Variants in GSN observed in about 807,000 individuals in gnomAD.
GSN encodes the protein actin-depolymerizing factor.
In GSN, 56 loss-of-function variants were observed where a neutral mutation model predicts 85.7. The observed-to-expected ratio is 0.65, with a 90% confidence interval of 0.53 to 0.82. GSN has a LOEUF of 0.82. GSN is among the 40% of genes least tolerant of loss of function. The pLI is 0.00. For synonymous variants in GSN, 373 were observed against 399.1 expected (o/e 0.93, Z 0.78); for missense variants, 857 against 979.8 (o/e 0.87, Z 1.67).
At chr9:121,297,200 A>G (rs896926214) in intron 2 of GSN, among the ~76,000 whole-genome samples, 3 of 152,252 alleles carry the variant, frequency 2.0e-5, no homozygotes, top group Admixed American at 6.5e-5. Flanking sequence ...TGTGTTTTAT[A>G]AAAGAACAAA....
chr9:121,305,095 A>G (rs1013014031), intron 4 of GSN, among the ~76,000 whole-genome samples: 4 of 152,240 alleles, frequency 2.6e-5, no homozygotes, highest in Non-Finnish European at 5.9e-5. Context: ...GAGTTCTCAT[A>G]TACACAGAAA....
rs747385746 is a variant in GSN at position 121,332,453 on chromosome 9, G to C, written c.2046G>C (p.Thr682=). The C allele has an allele frequency of 6.2e-7, 1 of 1,614,144 alleles. No individual in the cohort carries two copies. The highest frequency in any genetic ancestry group is 8.5e-7 in the Non-Finnish European group (1 of 1,179,996). Residue 682 remains threonine, a synonymous_variant, in exon 18 of 18, where the codon ACG becomes ACC. Transcript: ENST00000432226. This position sits in a 1 kb window ranked among gnomAD's most constrained non-coding sequence, Gnocchi z 4.8. ...CTGCAGCTAAGCGGTACATCGAGAC[G>C]GACCCAGCCAATCGGGATCGGCGGA... ...ALTSAKRYIE[T]DPANRDRRTP...
intron 5 of GSN, chr9:121,311,257 A>T: frequency 3.6e-6 from 1 of 280,866 alleles, no homozygotes; most frequent in Non-Finnish European, 6.9e-6. Flanking sequence ...ATGTAGTTGC[A>T]CATGCCCATG....
At chr9:121,287,549 A>T (rs886429069) in intron 2 of GSN, among the ~76,000 whole-genome samples, 1 of 152,044 alleles carries the variant, frequency 6.6e-6, no homozygotes, top group African/African-American at 2.4e-5. Context: ...GGTGTTAGGG[A>T]ACTGCTCGGC....
rs769238518 is a variant in GSN at position 121,318,738 on chromosome 9, A to G, written c.1049A>G (p.Gln350Arg). 41 of 1,614,034 alleles carry G rather than the reference A, an allele frequency of 2.5e-5. No homozygotes were observed. The highest frequency in any genetic ancestry group is 1.6e-4 in the Middle Eastern group (1 of 6,062). Residue 350 changes from glutamine to arginine, a missense_variant, in exon 10 of 18, where the codon CAG (glutamine) becomes CGG (arginine). Transcript: ENST00000432226. The surrounding 1 kb of genome is among the most constrained non-coding windows in gnomAD (Gnocchi z 4.3). Reference protein sequence around the residue: ...QFFKNWRDPDQTDGLGLSYLS... With the variant: ...QFFKNWRDPDRTDGLGLSYLS... ...TTCAAGAACTGGCGGGACCCAGACC[A>G]GACAGATGGCCTGGGCTTGTCCTAC... is the stretch of plus-strand genomic sequence containing the variant.
At position 121,312,440 on chromosome 9, in the gene GSN, C is replaced by T. The variant is rs2061260492; in HGVS notation, c.615C>T (p.Ala205=). The T allele has an allele frequency of 3.7e-6, 6 of 1,613,962 alleles. No individual in the cohort carries two copies. In the South Asian group the frequency reaches 5.5e-5, roughly 15 times the overall value. Residue 205 remains alanine (A), a synonymous_variant, in exon 6 of 18, where the codon GCC becomes GCT. Coordinates refer to ENST00000432226, the MANE Select transcript of GSN (RefSeq NM_198252.3). The part of the protein sequence containing the change: ...GIRDNERSGR[A]RVHVSEEGTE... ...GGGACAACGAGCGGAGTGGCCGGGC[C>T]CGAGTGCACGTGTCTGAGGAGGGCA...
At chr9:121,258,413 G>A (rs1372690519) in intron 6 of GSN, among the ~76,000 whole-genome samples, 1 of 151,568 alleles carries the variant, frequency 6.6e-6, no homozygotes, top group Non-Finnish European at 1.5e-5. Flanking sequence ...CAGTGAGCCG[G>A]GATTGCACCA....
At chr9:121,322,529 C>T (rs1027814941) in intron 11 of GSN, among the ~76,000 whole-genome samples, 4 of 152,206 alleles carry the variant, frequency 2.6e-5, no homozygotes, top group Non-Finnish European at 5.9e-5. Flanking sequence ...TCACTTTGAA[C>T]ATGCAGAGAC....
intron 4 of GSN, among the ~76,000 whole-genome samples, chr9:121,213,469 T>C (rs2054003791): frequency 6.6e-6 from 1 of 152,246 alleles, no homozygotes; most frequent in Non-Finnish European, 1.5e-5. Flanking sequence ...CCCATTTGTG[T>C]TGCTCAGGCA....
chr9:121,289,100 G>A (rs2058425902), intron 2 of GSN, among the ~76,000 whole-genome samples: 1 of 152,126 alleles, frequency 6.6e-6, no homozygotes, highest in Admixed American at 6.5e-5. Context: ...TTATGTTGGT[G>A]CCTGGGGCCC....
intron 3 of GSN, among the ~76,000 whole-genome samples, 189 bp downstream of exon 3, chr9:121,302,356 C>T (rs111536014): frequency 0.014 from 2,133 of 152,326 alleles, 48 homozygotes; most frequent in African/African-American, 0.046. Context: ...TGCCCCTAAC[C>T]CATGTTCTGT....
chr9:121,270,464 A>G (rs1308845015), intron 1 of GSN, among the ~76,000 whole-genome samples: 1 of 152,174 alleles, frequency 6.6e-6, no homozygotes, highest in Non-Finnish European at 1.5e-5. Context: ...GGCCACTGGG[A>G]TGGGTCAGAG....
intron 1 of GSN, among the ~76,000 whole-genome samples, chr9:121,276,216 C>G (rs548399845): frequency 2.0e-5 from 3 of 152,350 alleles, no homozygotes; most frequent in Admixed American, 2.0e-4. Context: ...CAACCATTTG[C>G]ACACATCTGT....
intron 4 of GSN, among the ~76,000 whole-genome samples, chr9:121,211,391 A>G (rs986968024): frequency 2.0e-5 from 3 of 152,256 alleles, no homozygotes; most frequent in African/African-American, 4.8e-5. Flanking sequence ...CAAAGCTGAA[A>G]AAACCCACAA....
intron 1 of GSN, among the ~76,000 whole-genome samples, chr9:121,273,176 A>G (rs879816774): frequency 1.3e-5 from 2 of 152,208 alleles, no homozygotes; most frequent in Non-Finnish European, 2.9e-5. Flanking sequence ...AAGGGGTCGC[A>G]CCAGTGGGAG....
chr9:121,223,655 TA>T (rs1222822087), intron 4 of GSN, among the ~76,000 whole-genome samples: 16 of 151,176 alleles, frequency 1.1e-4, no homozygotes, highest in African/African-American at 3.7e-4. Flanking sequence ...ACTTTATAAG[TA>T]TATTATTATT....
intron 2 of GSN, chr9:121,282,447 G>C: frequency 3.1e-6 from 4 of 1,303,010 alleles, no homozygotes; most frequent in Non-Finnish European, 3.9e-6. Context: ...AGGAGAAGGG[G>C]ATGAATGAAT....
At chr9:121,247,932 C>A (rs899085942) in intron 5 of GSN, among the ~76,000 whole-genome samples, 1 of 134,250 alleles carries the variant, frequency 7.4e-6, no homozygotes, top group African/African-American at 2.8e-5. Context: ...CCAATGAAGG[C>A]CATCCATGAA....
intron 4 of GSN, among the ~76,000 whole-genome samples, chr9:121,212,645 CT>C (rs765703897): frequency 0.019 from 2,747 of 141,826 alleles, 71 homozygotes; most frequent in African/African-American, 0.062. Context: ...ACTCCTTGGC[CT>C]TTTTTTTTTT....
Sources: gnomAD v4.1 joint callset for allele counts (sites outside exome capture counted in the v4.1 genomes callset) on GRCh38, gnomAD v4.1.1 for gene constraint, Gnocchi (gnomAD v3.1) non-coding constraint, MANE v1.5 for transcripts, NCBI Gene and HGNC (gene_info 2026-07-23, HGNC 2026-07-21) for gene names.